Variants in PRKG1 observed in about 807,000 individuals in gnomAD.
PRKG1 encodes the protein cGMP-dependent protein kinase 1.
Under a neutral mutation model 88.1 loss-of-function variants are expected in PRKG1, and 35 were observed. The ratio of observed to expected loss-of-function variants is 0.40; its 90% CI spans 0.30 to 0.53. PRKG1 has a LOEUF of 0.53. PRKG1 is among the 20% of genes least tolerant of loss of function. PRKG1 has a pLI of 0.59. For synonymous variants in PRKG1, 303 were observed against 292.5 expected, an observed-to-expected ratio of 1.04 and a Z score of -0.37; for missense variants, 540 against 839.8, an observed-to-expected ratio of 0.64 and a Z score of 4.41.
chr10:52,130,679 T>A (rs1363263369), intron 7 of PRKG1, among the ~76,000 whole-genome samples: 1 of 152,208 alleles, frequency 6.6e-6, no homozygotes, highest in Non-Finnish European at 1.5e-5. Flanking sequence ...CATGAACAAC[T>A]AAGAAATAAG....
At position 51,133,602 on chromosome 10, in the gene PRKG1, A is replaced by T. The variant is rs72793250; in HGVS notation, c.312-19562A>T. On this transcript the variant is annotated intron_variant, in intron 1 of 17. Coordinates refer to ENST00000373980, the MANE Select transcript of PRKG1 (RefSeq NM_006258.4). Reference sequence around the variant, plus strand: ...CTGGGCTGCTGTCATGCAAACATTTACTGCCTGACTTTCTGGACAAGAGTG... The same window carrying T: ...CTGGGCTGCTGTCATGCAAACATTTTCTGCCTGACTTTCTGGACAAGAGTG... Among the ~76,000 whole-genome samples, 817 of 152,302 alleles carry T rather than the reference A, an allele frequency of 5.4e-3. 6 individuals carry two copies. The highest frequency in any genetic ancestry group is 9.1e-3 in the Non-Finnish European group (619 of 68,018).
chr10:51,762,689 G>C (rs1256366190), intron 3 of PRKG1, among the ~76,000 whole-genome samples: 1 of 152,114 alleles, frequency 6.6e-6, no homozygotes, highest in Non-Finnish European at 1.5e-5. Context: ...CCTCTCAACA[G>C]AAGAAAACAG....
intron 2 of PRKG1, among the ~76,000 whole-genome samples, chr10:51,311,798 G>A (rs1303135458): frequency 6.6e-6 from 1 of 152,180 alleles, no homozygotes; most frequent in African/African-American, 2.4e-5. Context: ...TCCATCAGAG[G>A]TTCTTCTGAA....
chr10:51,737,850 A>G (rs868152708), intron 3 of PRKG1, among the ~76,000 whole-genome samples: 5 of 150,984 alleles, frequency 3.3e-5, no homozygotes, highest in Admixed American at 2.6e-4. Context: ...TGCAACCTTC[A>G]TCTCCCAGGT....
chr10:52,144,836 A>C (rs1564488758), intron 8 of PRKG1, among the ~76,000 whole-genome samples: 2 of 152,184 alleles, frequency 1.3e-5, no homozygotes, highest in African/African-American at 4.8e-5. Context: ...AATAAAAATA[A>C]AAATAAATAA....
chr10:51,542,674 T>A (rs909023551), intron 3 of PRKG1, among the ~76,000 whole-genome samples: 36 of 151,938 alleles, frequency 2.4e-4, no homozygotes, highest in Admixed American at 2.3e-3. Context: ...TTTCGCATGA[T>A]AGTCTGCAAA....
intron 3 of PRKG1, among the ~76,000 whole-genome samples, chr10:51,722,165 G>T (rs931872544): frequency 4.0e-5 from 6 of 151,666 alleles, no homozygotes; most frequent in Admixed American, 2.0e-4. Flanking sequence ...GGAGGCGGAG[G>T]TTGCAGTGAG....
intron 6 of PRKG1, among the ~76,000 whole-genome samples, chr10:52,059,479 G>T (rs1162002891): frequency 2.0e-5 from 3 of 151,750 alleles, no homozygotes; most frequent in African/African-American, 7.2e-5. Flanking sequence ...ATTGAATCTT[G>T]CAACAACTTG....
intron 4 of PRKG1, among the ~76,000 whole-genome samples, chr10:51,894,646 C>T (rs1395298913): frequency 2.6e-5 from 4 of 152,066 alleles, no homozygotes; most frequent in South Asian, 2.1e-4. Flanking sequence ...CTTTACGGTT[C>T]GGAAACAACT....
chr10:51,190,853 ATT>A (rs1201413652), intron 2 of PRKG1, among the ~76,000 whole-genome samples: 1 of 151,796 alleles, frequency 6.6e-6, no homozygotes, highest in East Asian at 1.9e-4. Flanking sequence ...CCATATTGTC[ATT>A]GTGTAAATAT....
At chr10:51,697,495 A>C (rs1195464481) in intron 3 of PRKG1, 1 of 588,944 alleles carries the variant, frequency 1.7e-6, no homozygotes, top group Non-Finnish European at 3.0e-6. Flanking sequence ...CTTAAAGTGA[A>C]CAGACGCACT....
chr10:51,569,259 T>G (rs2132164111), intron 3 of PRKG1, among the ~76,000 whole-genome samples: 1 of 152,128 alleles, frequency 6.6e-6, no homozygotes, highest in South Asian at 2.1e-4. Flanking sequence ...ACCTTTGTAT[T>G]TAAATAACTT....
chr10:51,854,415 A>G, intron 4 of PRKG1, among the ~76,000 whole-genome samples: 1 of 152,160 alleles, frequency 6.6e-6, no homozygotes, highest in Non-Finnish European at 1.5e-5. Flanking sequence ...AGAAGGCATA[A>G]TTCACATGAT....
intron 3 of PRKG1, among the ~76,000 whole-genome samples, chr10:51,737,730 TTTATTTATTAATTATTATTATTATTA>T (rs1164619691): frequency 4.5e-4 from 50 of 112,330 alleles, no homozygotes; most frequent in South Asian, 9.2e-4. Context: ...TATTTATTTA[TTTATTTATTAATTATTATTATTATTA>T]TTATTATTAT....
intron 5 of PRKG1, among the ~76,000 whole-genome samples, chr10:51,929,346 C>CA (rs1491259192): frequency 1.8e-5 from 2 of 109,670 alleles, no homozygotes; most frequent in Non-Finnish European, 3.7e-5. Context: ...GAATTCCTTC[C>CA]TTTTTTTTTT....
At position 51,799,466 on chromosome 10, in the gene PRKG1, G is replaced by A. The variant is rs1839107686; in HGVS notation, c.593-5119G>A. 2.0e-5 allele frequency among the ~76,000 whole-genome samples: 3 copies of A among 151,864 alleles called. No individual in the cohort carries two copies. In the Admixed American group the frequency reaches 2.0e-4, roughly 10 times the overall value. On this transcript the variant is annotated intron_variant, in intron 3 of 17. Coordinates refer to ENST00000373980, the MANE Select transcript of PRKG1 (RefSeq NM_006258.4). Reference sequence around the variant, plus strand: ...ACTCCTCATTTTGGAAAACACTTGTGGTGGTAGTTGTGGTGGTGGTAGGAT... The same window carrying A: ...ACTCCTCATTTTGGAAAACACTTGTAGTGGTAGTTGTGGTGGTGGTAGGAT...
At position 51,524,625 on chromosome 10, in the gene PRKG1, G is replaced by A. The variant is rs148643054; in HGVS notation, c.592+56789G>A. Among the ~76,000 whole-genome samples, 1,163 of 152,090 alleles carry A rather than the reference G, an allele frequency of 7.6e-3. 18 individuals are homozygous for A. Among genetic ancestry groups the A allele is most frequent in the Middle Eastern group, 0.037 (11 of 294 alleles). Reference sequence around the variant, plus strand: ...AGGCAAGTTACTGGAGTTGTCCCACGGCCATGTTTTGCTGACCTCTGATTT... The same window carrying A: ...AGGCAAGTTACTGGAGTTGTCCCACAGCCATGTTTTGCTGACCTCTGATTT... On this transcript the variant is annotated intron_variant, in intron 3 of 17. Transcript: ENST00000373980.
intron 5 of PRKG1, among the ~76,000 whole-genome samples, chr10:52,037,407 G>A (rs1346273612): frequency 1.3e-5 from 2 of 152,240 alleles, no homozygotes; most frequent in Admixed American, 1.3e-4. Flanking sequence ...TGTGGGGTTT[G>A]AGGGCCGGAA....
chr10:51,740,909 A>C (rs1837416092), intron 3 of PRKG1, among the ~76,000 whole-genome samples: 1 of 148,508 alleles, frequency 6.7e-6, no homozygotes, highest in South Asian at 2.1e-4. Context: ...TTGATTGCCC[A>C]TTGATTTGTC....
Sources: gnomAD v4.1 joint callset for allele counts (sites outside exome capture counted in the v4.1 genomes callset) on GRCh38, gnomAD v4.1.1 for gene constraint, MANE v1.5 for transcripts, NCBI Gene and HGNC (gene_info 2026-07-23, HGNC 2026-07-21) for gene names.